The following OR1F1 variants were observed in gnomAD, a reference collection of about 807,000 sequenced individuals.
OR1F1 encodes the protein olfactory receptor family 1 subfamily F member 1.
For missense variants in OR1F1, 493 were observed against 376.3 expected (o/e 1.31, Z -2.57); for synonymous variants, 184 against 156.7 (o/e 1.17, Z -1.30).
chr16:3,189,005 C>T, the OR1F1 span, among the ~76,000 whole-genome samples: 2 of 152,196 alleles, frequency 1.3e-5, no homozygotes, highest in Non-Finnish European at 2.9e-5. Flanking sequence ...TGAGGCCAGG[C>T]AGGCGCTGCG....
the OR1F1 span, among the ~76,000 whole-genome samples, chr16:3,189,220 G>A: frequency 6.6e-6 from 1 of 152,150 alleles, no homozygotes; most frequent in Non-Finnish European, 1.5e-5. Context: ...ACACCCATTG[G>A]TGCCACGCTG....
At chr16:3,203,632 C>T (rs1041308633), upstream of OR1F1, among the ~76,000 whole-genome samples, 19 of 152,166 alleles carry the variant, frequency 1.2e-4, no homozygotes, top group African/African-American at 4.3e-4. Flanking sequence ...GGCGTGGTGG[C>T]ACGTGCCTAT....
chr16:3,204,817 G>A (rs1316226503), exon 1 of OR1F1: 1 of 1,613,946 alleles, frequency 6.2e-7, no homozygotes, highest in African/African-American at 1.3e-5. Flanking sequence ...CTCCTGCTCA[G>A]ACACACACCT....
At chr16:3,200,692 A>G (rs1958126906), upstream of OR1F1, among the ~76,000 whole-genome samples, 1 of 152,234 alleles carries the variant, frequency 6.6e-6, no homozygotes, top group African/African-American at 2.4e-5. Flanking sequence ...CATGCTCTAC[A>G]GAAGGGAAAG....
chr16:3,191,827 G>A, the OR1F1 span, among the ~76,000 whole-genome samples: 6 of 152,266 alleles, frequency 3.9e-5, no homozygotes, highest in South Asian at 1.0e-3. Flanking sequence ...GGGGTGCAGG[G>A]GCCTCTCCCC....
chr16:3,196,699 CTTT>C, the OR1F1 span, among the ~76,000 whole-genome samples: 28 of 123,912 alleles, frequency 2.3e-4, no homozygotes, highest in African/African-American at 5.7e-4. Context: ...TGAAATTAAT[CTTT>C]TTTTTTTTTT....
At chr16:3,200,531 C>T (rs758675414), upstream of OR1F1, among the ~76,000 whole-genome samples, 12 of 152,052 alleles carry the variant, frequency 7.9e-5, no homozygotes, top group South Asian at 2.1e-4. Context: ...GGCGTGGACC[C>T]GGGAGGCAGT....
chr16:3,192,414 G>C, the OR1F1 span, among the ~76,000 whole-genome samples: 1 of 152,148 alleles, frequency 6.6e-6, no homozygotes, highest in Non-Finnish European at 1.5e-5. Context: ...TCAACCCCTC[G>C]GTCCTGGATT....
At chr16:3,189,634 G>T in the OR1F1 span, 1 of 152,070 alleles carries the variant, frequency 6.6e-6, no homozygotes, top group Non-Finnish European at 1.5e-5. Flanking sequence ...TAAATCGTGT[G>T]GCTCGTTGGT....
upstream of OR1F1, among the ~76,000 whole-genome samples, chr16:3,200,326 A>G (rs927146105): frequency 1.3e-5 from 2 of 152,056 alleles, no homozygotes; most frequent in Non-Finnish European, 2.9e-5. Flanking sequence ...AATGAGGAAA[A>G]AGGCTGGGCA....
chr16:3,200,463 C>T (rs1034413171), upstream of OR1F1, among the ~76,000 whole-genome samples: 2 of 151,976 alleles, frequency 1.3e-5, no homozygotes, highest in South Asian at 2.1e-4. Flanking sequence ...AAAAATTAGC[C>T]GGACATGGCA....
At chr16:3,193,181 C>G in the OR1F1 span, among the ~76,000 whole-genome samples, 3 of 152,190 alleles carry the variant, frequency 2.0e-5, no homozygotes, top group African/African-American at 7.2e-5. Flanking sequence ...CCGCCTTGGC[C>G]TCCCAAAGTG....
upstream of OR1F1, among the ~76,000 whole-genome samples, chr16:3,199,663 G>A (rs1419381896): frequency 6.6e-6 from 1 of 152,124 alleles, no homozygotes; most frequent in African/African-American, 2.4e-5. Flanking sequence ...TTAAACAAGA[G>A]ACACACAGCA....
the OR1F1 span, among the ~76,000 whole-genome samples, chr16:3,189,271 G>C: frequency 1.3e-5 from 2 of 152,210 alleles, no homozygotes; most frequent in Non-Finnish European, 2.9e-5. Flanking sequence ...CAGTGATCGA[G>C]GCTCGCAGAC....
chr16:3,191,789 G>C, the OR1F1 span, among the ~76,000 whole-genome samples: 1 of 151,998 alleles, frequency 6.6e-6, no homozygotes, highest in Non-Finnish European at 1.5e-5. Context: ...GGGCGGGTGA[G>C]AACTGAGGGG....
chr16:3,200,012 G>A (rs1197697612), upstream of OR1F1, among the ~76,000 whole-genome samples: 6 of 149,162 alleles, frequency 4.0e-5, no homozygotes, highest in South Asian at 6.3e-4. Flanking sequence ...ACAAAACTCC[G>A]TCTCAAAAAA....
downstream of OR1F1, among the ~76,000 whole-genome samples, chr16:3,205,540 C>T (rs544802623): frequency 3.3e-5 from 5 of 150,398 alleles, no homozygotes; most frequent in South Asian, 4.2e-4. Flanking sequence ...GATGCTGTTG[C>T]GGGAAGTCAG....
the OR1F1 span, among the ~76,000 whole-genome samples, chr16:3,192,930 T>A: frequency 6.6e-6 from 1 of 151,502 alleles, no homozygotes; most frequent in Non-Finnish European, 1.5e-5. Flanking sequence ...AAAAAAAGAG[T>A]TTTTAAAAAT....
At chr16:3,204,418 C>G (rs61731432) in exon 1 of OR1F1, 70,879 of 1,614,084 alleles carry the variant, frequency 0.044, 1,778 homozygotes, top group Non-Finnish European at 0.052. Flanking sequence ...CCTGCACACC[C>G]CCATGTACTT....
Sources: allele counts gnomAD v4.1 joint callset (sites outside exome capture counted in the v4.1 genomes callset), GRCh38; gene constraint gnomAD v4.1.1; transcripts MANE v1.5; gene names NCBI Gene and HGNC (gene_info 2026-07-23, HGNC 2026-07-21).